The following EPS15 variants were observed in gnomAD, a reference collection of about 807,000 sequenced individuals.
The protein encoded by EPS15 is epidermal growth factor receptor pathway substrate 15.
Under a neutral mutation model 113.8 loss-of-function variants are expected in EPS15, and 72 were observed. That is an observed-to-expected ratio of 0.63 (90% CI 0.52 to 0.77). EPS15 has a LOEUF of 0.77. Among genes scored for constraint, EPS15 ranks in the 30% least tolerant of loss-of-function variants. The probability of loss-of-function intolerance (pLI) is 0.00; values close to 1 mark genes in which losing one functional copy is unlikely to be tolerated. For missense variants in EPS15, 1,048 were observed against 1,045.8 expected, an observed-to-expected ratio of 1.00 and a Z score of -0.03; for synonymous variants, 344 against 363.4, an observed-to-expected ratio of 0.95 and a Z score of 0.61.
chr1:51,514,919 A>AT (rs1644687425), intron 1 of EPS15, among the ~76,000 whole-genome samples: 1 of 152,208 alleles, frequency 6.6e-6, no homozygotes, highest in African/African-American at 2.4e-5. Flanking sequence ...AGGAACTCAA[A>AT]TATCTGTCAT....
chr1:51,447,227 C>A, intron 9 of EPS15, 122 bp from the exon 10 acceptor site: 1 of 772,204 alleles, frequency 1.3e-6, no homozygotes, highest in Non-Finnish European at 2.0e-6. Flanking sequence ...TAACTCAGAG[C>A]AACAATGTAT....
chr1:51,488,831 TTCA>T (rs1644175139), intron 1 of EPS15, among the ~76,000 whole-genome samples: 1 of 152,214 alleles, frequency 6.6e-6, no homozygotes. Context: ...ATTTCAGTTA[TTCA>T]TCAATGGAAT....
intron 21 of EPS15, chr1:51,382,522 G>C (rs1249341101): frequency 6.6e-6 from 1 of 150,720 alleles, no homozygotes; most frequent in African/African-American, 2.4e-5. Context: ...AGGTTCAAGA[G>C]ATTCTCCTAT....
At position 51,366,916 on chromosome 1, in the gene EPS15, A is replaced by G. The variant is rs544484722; in HGVS notation, c.2120-887T>C. On this transcript the variant is annotated intron_variant, in intron 21 of 24. Transcript: ENST00000371733. Reference sequence around the variant, plus strand: ...ATGGTAAGGTCCTTGAAAACAGGCAATAAGTCCTATCCAAAGAATGGACAG... The same window carrying G: ...ATGGTAAGGTCCTTGAAAACAGGCAGTAAGTCCTATCCAAAGAATGGACAG... Among the ~76,000 whole-genome samples, 9 of 152,334 alleles carry G rather than the reference A, an allele frequency of 5.9e-5. No homozygotes were observed. The South Asian group carries it at 1.4e-3, about 25-fold the overall frequency.
intron 13 of EPS15, among the ~76,000 whole-genome samples, chr1:51,417,241 A>C (rs548989775): frequency 6.6e-6 from 1 of 152,340 alleles, no homozygotes; most frequent in East Asian, 1.9e-4. Flanking sequence ...GAATTACTGA[A>C]TCTTATGATG....
rs182792242 is a variant in EPS15 at position 51,415,121 on chromosome 1, G to C, written c.1114-5425C>G. The stretch of plus-strand genomic sequence containing the variant: ...TTTTATGTAAGAACTACCAATAATA[G>C]AATCAATGCTGGTTTCCTTTAATAA... On this transcript the variant is annotated intron_variant, in intron 13 of 24. Transcript: ENST00000371733. Among the ~76,000 whole-genome samples the C allele has an allele frequency of 1.2e-4, 18 of 152,040 alleles. No individual in the cohort carries two copies. In the East Asian group the frequency reaches 3.1e-3, roughly 26 times the overall value.
intron 15 of EPS15, 74 bp downstream of exon 15, chr1:51,408,061 A>G (rs1649298441): frequency 7.8e-7 from 1 of 1,289,324 alleles, no homozygotes; most frequent in African/African-American, 1.5e-5. Context: ...GAAGGAGCAG[A>G]AGTTGGAAAG....
intron 21 of EPS15, chr1:51,382,304 AAC>A (rs1646958300): frequency 1.3e-5 from 2 of 152,200 alleles, no homozygotes; most frequent in Admixed American, 1.3e-4. Flanking sequence ...AAAACCTTCC[AAC>A]AGTGCTCACT....
chr1:51,508,376 G>GAAAC (rs1644560151), intron 1 of EPS15, among the ~76,000 whole-genome samples: 1 of 148,770 alleles, frequency 6.7e-6, no homozygotes, highest in Non-Finnish European at 1.5e-5. Flanking sequence ...AAGAAAGAAA[G>GAAAC]AAAGAAAGAG....
intron 2 of EPS15, among the ~76,000 whole-genome samples, chr1:51,474,243 A>G (rs771193792): frequency 2.0e-5 from 3 of 152,248 alleles, no homozygotes; most frequent in Non-Finnish European, 4.4e-5. Context: ...ATAGGCCAGA[A>G]GCTGATATAT....
intron 1 of EPS15, among the ~76,000 whole-genome samples, chr1:51,484,534 G>A (rs1644085031): frequency 6.6e-6 from 1 of 152,110 alleles, no homozygotes; most frequent in African/African-American, 2.4e-5. Context: ...TTCTGGCCAA[G>A]TTATCAACTA....
At chr1:51,460,989 G>T in intron 8 of EPS15, 102 bp downstream of exon 8, 2 of 756,772 alleles carry the variant, frequency 2.6e-6, no homozygotes, top group Non-Finnish European at 4.5e-6. Flanking sequence ...CCAATAATCT[G>T]ATGAGAATAT....
At chr1:51,419,182 A>C (rs1385222922) in intron 13 of EPS15, among the ~76,000 whole-genome samples, 1 of 152,130 alleles carries the variant, frequency 6.6e-6, no homozygotes, top group Non-Finnish European at 1.5e-5. Context: ...CTTTGGGCCT[A>C]ATTTGTCCAC....
chr1:51,364,023 G>A lies in EPS15; in HGVS notation c.2202C>T (p.Asn734=), dbSNP rs934820234. 1.2e-6 allele frequency: 2 copies of A among 1,608,670 alleles called. No homozygotes were observed. The highest frequency in any genetic ancestry group is 1.7e-6 in the Non-Finnish European group (2 of 1,176,928). ...FADFSTLSKV[N]NEDPFRSATS... is the part of the protein sequence containing the mutation. Reference sequence around the variant, plus strand: ...TGGCTGAACGAAAAGGATCTTCATTGTTGACCTTTGTTTAAAAAGAAATGG... The same window carrying A: ...TGGCTGAACGAAAAGGATCTTCATTATTGACCTTTGTTTAAAAAGAAATGG... The change falls in exon 23 of 25, where the codon AAC becomes AAT. Residue 734 remains asparagine (N), a synonymous_variant. Coordinates refer to ENST00000371733, the MANE Select transcript of EPS15 (RefSeq NM_001981.3).
intron 1 of EPS15, among the ~76,000 whole-genome samples, chr1:51,507,195 G>GA (rs1644513006): frequency 6.6e-6 from 1 of 152,014 alleles, no homozygotes; most frequent in Non-Finnish European, 1.5e-5. Flanking sequence ...TAACTCTACA[G>GA]AAAAAAATTT....
chr1:51,400,295 T>C (rs1190108672), intron 19 of EPS15, among the ~76,000 whole-genome samples: 2 of 152,218 alleles, frequency 1.3e-5, no homozygotes. Context: ...TTCTAAACCC[T>C]GAAGCAGTAT....
At position 51,416,231 on chromosome 1, in the gene EPS15, T is replaced by G. The variant is rs569503552; in HGVS notation, c.1113+5555A>C. ...TTGGGAACATCCTTTCCTGGGTCTGTGCACAGACTCAGCACTATCAAATGC... is the reference window on the plus strand; with the variant it reads ...TTGGGAACATCCTTTCCTGGGTCTGGGCACAGACTCAGCACTATCAAATGC... On this transcript the variant is annotated intron_variant, in intron 13 of 24. Transcript: ENST00000371733. Among the ~76,000 whole-genome samples the G allele has an allele frequency of 2.6e-5, 4 of 152,324 alleles. No homozygotes were observed. In the South Asian group the frequency reaches 8.3e-4, roughly 32 times the overall value.
At chr1:51,411,312 T>C (rs546502082) in intron 13 of EPS15, among the ~76,000 whole-genome samples, 113 of 152,280 alleles carry the variant, frequency 7.4e-4, no homozygotes, top group Non-Finnish European at 1.1e-3. Flanking sequence ...AGCCTTTGAA[T>C]TCCTCAATGA....
chr1:51,417,298 A>G (rs1650323250), intron 13 of EPS15, among the ~76,000 whole-genome samples: 1 of 152,204 alleles, frequency 6.6e-6, no homozygotes, highest in Non-Finnish European at 1.5e-5. Flanking sequence ...TAATATGAAC[A>G]ATATCAAGAA....
Sources: allele counts gnomAD v4.1 joint callset (sites outside exome capture counted in the v4.1 genomes callset), GRCh38; gene constraint gnomAD v4.1.1; transcripts MANE v1.5; gene names NCBI Gene and HGNC (gene_info 2026-07-23, HGNC 2026-07-21).